ESR1: variants seen among roughly 807,000 people sequenced by gnomAD.
The protein encoded by ESR1 is estrogen receptor.
In ESR1, 12 loss-of-function variants were observed where a neutral mutation model predicts 52.7. The observed-to-expected ratio is 0.23, with a 90% CI of 0.15 to 0.37. ESR1 has a LOEUF of 0.37. Among genes scored for constraint, ESR1 ranks in the 10% least tolerant of loss-of-function variants. The probability of loss-of-function intolerance (pLI) is 1.00; values close to 1 mark genes in which losing one functional copy is unlikely to be tolerated. For missense variants in ESR1, 584 were observed against 779.7 expected, an observed-to-expected ratio of 0.75 and a Z score of 2.99; for synonymous variants, 305 against 316.8, an observed-to-expected ratio of 0.96 and a Z score of 0.39.
intron 1 of ESR1, among the ~76,000 whole-genome samples, chr6:151,676,909 G>A (rs1290911865): frequency 6.6e-6 from 1 of 152,182 alleles, no homozygotes; most frequent in East Asian, 1.9e-4. Flanking sequence ...ACTATAACAT[G>A]TTCAAACTGT....
intron 2 of ESR1, among the ~76,000 whole-genome samples, chr6:151,874,148 T>A (rs1242818369): frequency 6.6e-6 from 1 of 152,220 alleles, no homozygotes; most frequent in Admixed American, 6.5e-5. Flanking sequence ...AACAGTTAGC[T>A]AAATGTTTGT....
chr6:151,852,618 C>T (rs932888936), intron 2 of ESR1, among the ~76,000 whole-genome samples: 1 of 147,782 alleles, frequency 6.8e-6, no homozygotes, highest in Non-Finnish European at 1.5e-5. Context: ...TTTATGATGT[C>T]CAAACAAGAA....
intron 3 of ESR1, among the ~76,000 whole-genome samples, chr6:151,932,557 G>C (rs2128489470): frequency 8.6e-6 from 1 of 116,432 alleles, no homozygotes; most frequent in East Asian, 2.4e-4. Context: ...GTAATGCCTA[G>C]GTTTTCTTCT....
upstream of ESR1, among the ~76,000 whole-genome samples, chr6:151,801,674 G>A (rs1387077961): frequency 6.6e-6 from 1 of 152,212 alleles, no homozygotes; most frequent in African/African-American, 2.4e-5. Flanking sequence ...TTGACTTCTT[G>A]TTAATGTGTA....
chr6:151,806,530 G>GTATATGTATATATATA (rs1554259016), upstream of ESR1, among the ~76,000 whole-genome samples: 69 of 96,444 alleles, frequency 7.2e-4, no homozygotes, highest in Non-Finnish European at 8.2e-4. Context: ...TCCTTAATAT[G>GTATATGTATATATATA]TATATATATA....
Position 152,094,242 on chromosome 6 carries a change from A to G in ESR1, c.1370-143A>G, listed in dbSNP as rs1237736978. ...GAATTTTACACTGTAACCCGGTTTT[A>G]AATGGGTCCAGAGCATCCCCATTGC... is the stretch of plus-strand genomic sequence containing the variant. On this transcript the variant is annotated intron_variant, in intron 6 of 7. Coordinates refer to ENST00000206249, the MANE Select transcript of ESR1 (RefSeq NM_000125.4). This position sits in a 1 kb window ranked among gnomAD's most constrained non-coding sequence, Gnocchi z 4.6. 35 of 797,622 alleles carry G rather than the reference A, an allele frequency of 4.4e-5. 1 individual carries two copies. 49.4% of individuals were successfully genotyped at this position (797,622 alleles called of 1,614,324 possible).
intron 6 of ESR1, among the ~76,000 whole-genome samples, chr6:152,068,776 A>C (rs1351235321): frequency 6.6e-6 from 1 of 152,210 alleles, no homozygotes; most frequent in African/African-American, 2.4e-5. Context: ...AAAATAAAAT[A>C]GCTCTCTAGT....
intron 2 of ESR1, among the ~76,000 whole-genome samples, chr6:151,870,551 T>C (rs34080985): frequency 0.035 from 5,290 of 152,340 alleles, 305 homozygotes; most frequent in African/African-American, 0.12. Context: ...GATTTAATCA[T>C]GGCTTTGCCA....
At chr6:151,891,005 G>T (rs1244577120) in intron 3 of ESR1, among the ~76,000 whole-genome samples, 4 of 151,772 alleles carry the variant, frequency 2.6e-5, no homozygotes. Context: ...TTTCTATAGT[G>T]GTATCCTTTG....
At chr6:151,877,869 G>A (rs1049063340) in intron 2 of ESR1, among the ~76,000 whole-genome samples, 1 of 151,876 alleles carries the variant, frequency 6.6e-6, no homozygotes, top group African/African-American at 2.4e-5. Context: ...GAGTGCAGTG[G>A]TGCTATCACA....
chr6:151,880,239 G>A (rs1029386510), intron 2 of ESR1, among the ~76,000 whole-genome samples: 23 of 144,726 alleles, frequency 1.6e-4, no homozygotes, highest in Non-Finnish European at 2.7e-4. Flanking sequence ...CTGGAGTGCA[G>A]TGGCGCAATC....
chr6:151,827,855 A>G (rs912010749), intron 1 of ESR1, among the ~76,000 whole-genome samples: 1 of 152,202 alleles, frequency 6.6e-6, no homozygotes, highest in Admixed American at 6.5e-5. Flanking sequence ...TATGCACTTC[A>G]AAGCAGGTTT....
intron 1 of ESR1, among the ~76,000 whole-genome samples, chr6:151,669,288 G>A (rs1388240450): frequency 6.6e-6 from 1 of 151,252 alleles, no homozygotes; most frequent in Non-Finnish European, 1.5e-5. Context: ...TTGGGGGAGT[G>A]GGGAGAGGGG....
rs2050906707 is a variant in ESR1, at chr6:152,100,002, G to A, written c.*1036G>A. 1 of 398,770 alleles carries A rather than the reference G, an allele frequency of 2.5e-6. No homozygotes were observed. The highest frequency in any genetic ancestry group is 4.4e-5 in the Admixed American group (1 of 22,742). 24.7% of individuals were successfully genotyped at this position (398,770 alleles called of 1,614,324 possible). On this transcript the variant is annotated 3_prime_UTR_variant, in exon 8 of 8. Transcript: ENST00000206249. The stretch of plus-strand genomic sequence containing the variant: ...CATGGAGCTGAACAGTACTTGTGCA[G>A]GATTGTTGTGGCTACTAGAGAACAA...
At chr6:151,949,794 T>C (rs564621149) in intron 4 of ESR1, among the ~76,000 whole-genome samples, 19 of 152,258 alleles carry the variant, frequency 1.2e-4, no homozygotes, top group Non-Finnish European at 2.6e-4. Context: ...TGAAGCCTCA[T>C]AGATGCTTAT....
At chr6:151,883,407 C>T (rs1163021904) in intron 3 of ESR1, among the ~76,000 whole-genome samples, 2 of 151,734 alleles carry the variant, frequency 1.3e-5, no homozygotes, top group East Asian at 2.0e-4. Context: ...GGATTATAGG[C>T]GTGAGCCACC....
At chr6:152,121,978 C>A in intron 6 of ESR1, 1 of 175,314 alleles carries the variant, frequency 5.7e-6, no homozygotes, top group Non-Finnish European at 1.3e-5. Flanking sequence ...TTGTATGTTA[C>A]AAGGTTCTAA....
At chr6:151,852,901 G>A (rs1787073841) in intron 2 of ESR1, among the ~76,000 whole-genome samples, 1 of 151,950 alleles carries the variant, frequency 6.6e-6, no homozygotes, top group Admixed American at 6.6e-5. Context: ...ATGGCCGGGT[G>A]CGGTGGCTCA....
At chr6:151,912,537 G>A (rs1463604073) in intron 3 of ESR1, among the ~76,000 whole-genome samples, 2 of 152,142 alleles carry the variant, frequency 1.3e-5, no homozygotes, top group Non-Finnish European at 2.9e-5. Flanking sequence ...TCCCACCAAA[G>A]GAAAATATGG....
Sources: allele counts gnomAD v4.1 joint callset (sites outside exome capture counted in the v4.1 genomes callset), GRCh38; gene constraint gnomAD v4.1.1; non-coding constraint Gnocchi (gnomAD v3.1); transcripts MANE v1.5; gene names NCBI Gene and HGNC (gene_info 2026-07-23, HGNC 2026-07-21).